Variants in BICC1 observed in about 807,000 individuals in gnomAD.
The protein encoded by BICC1 is protein bicaudal C homolog 1.
A neutral mutation model predicts 111.0 loss-of-function variants in BICC1; 43 were observed. The ratio of observed to expected loss-of-function variants is 0.39; its 90% CI spans 0.30 to 0.50. The LOEUF (loss-of-function observed/expected upper bound fraction) is 0.50, where lower values mean the gene tolerates loss of function less well. BICC1 is among the 20% of genes least tolerant of loss of function. The pLI, the probability that BICC1 is intolerant of heterozygous loss-of-function variation, is 0.88. For synonymous variants in BICC1, 467 were observed against 434.4 expected (o/e 1.07, Z -0.93); for missense variants, 1,091 against 1,203.2 (o/e 0.91, Z 1.38).
chr10:58,633,995 CTTTT>C (rs5785333), intron 2 of BICC1, among the ~76,000 whole-genome samples: 1 of 99,950 alleles, frequency 1.0e-5, no homozygotes, highest in Non-Finnish European at 2.0e-5. Flanking sequence ...TTTTTCTTTT[CTTTT>C]TTTTTTTTTT....
intron 2 of BICC1, among the ~76,000 whole-genome samples, chr10:58,690,945 C>T (rs2393468): frequency 0.72 from 108,920 of 152,062 alleles, 41,386 homozygotes; most frequent in East Asian, 0.9. Flanking sequence ...GTACTATTTC[C>T]GTTCCTCCCC....
rs749296577 is a variant in BICC1, at chr10:58,786,991, C to A, written c.456C>A (p.Gly152=). The A allele has an allele frequency of 3.1e-6, 5 of 1,609,140 alleles. No individual in the cohort carries two copies. In the South Asian group the frequency reaches 5.5e-5, roughly 18 times the overall value. The stretch of plus-strand genomic sequence containing the variant: ...ATTCACATGTAATCGGCAAAGGTGG[C>A]AACAATATTAAAAAAGTGATGGAAG... ...TEHSHVIGKG[G]NNIKKVMEET... Residue 152 remains glycine, a synonymous_variant, in exon 5 of 21, where the codon GGC becomes GGA. Transcript: ENST00000373886.
At chr10:58,668,121 G>A (rs1003300596) in intron 2 of BICC1, among the ~76,000 whole-genome samples, 6 of 151,990 alleles carry the variant, frequency 3.9e-5, no homozygotes, top group African/African-American at 1.4e-4. Context: ...CATGCAAACT[G>A]GAAGCAAAAG....
At chr10:58,617,852 C>T (rs1845668129) in intron 1 of BICC1, among the ~76,000 whole-genome samples, 2 of 152,360 alleles carry the variant, frequency 1.3e-5, no homozygotes, top group South Asian at 4.1e-4. Flanking sequence ...GAATGGTAAC[C>T]TGTTGTTGCC....
In BICC1 at chr10:58,534,484, A is replaced by G. The variant is rs910093217; in HGVS notation, c.190+21151A>G. Among the ~76,000 whole-genome samples the G allele has an allele frequency of 9.9e-5, 15 of 151,920 alleles. No homozygotes were observed. In the East Asian group the frequency reaches 1.9e-3, roughly 20 times the overall value. Reference sequence around the variant, plus strand: ...AAGATTCTCTATAACCAAGAAACTTATACAGAGTCTTCACCACTGAAAGCA... The same window carrying G: ...AAGATTCTCTATAACCAAGAAACTTGTACAGAGTCTTCACCACTGAAAGCA... On this transcript the variant is annotated intron_variant, in intron 1 of 20. Transcript: ENST00000373886.
At chr10:58,578,882 C>G (rs527422468) in intron 1 of BICC1, among the ~76,000 whole-genome samples, 1 of 152,204 alleles carries the variant, frequency 6.6e-6, no homozygotes, top group South Asian at 2.1e-4. Flanking sequence ...GAAAGCTAGC[C>G]CTCTGTGCCC....
chr10:58,622,259 G>A (rs1845843104), intron 2 of BICC1, among the ~76,000 whole-genome samples: 1 of 152,210 alleles, frequency 6.6e-6, no homozygotes, highest in African/African-American at 2.4e-5. Context: ...GGTAAAAATA[G>A]ATGCTGTCAG....
intron 1 of BICC1, among the ~76,000 whole-genome samples, chr10:58,572,100 G>C (rs1338130232): frequency 6.6e-6 from 1 of 152,008 alleles, no homozygotes; most frequent in Non-Finnish European, 1.5e-5. Flanking sequence ...ATGTTGAGCT[G>C]TTTTTCATGT....
At chr10:58,597,471 G>A (rs770507884) in intron 1 of BICC1, among the ~76,000 whole-genome samples, 12 of 152,108 alleles carry the variant, frequency 7.9e-5, no homozygotes, top group Non-Finnish European at 1.8e-4. Context: ...CTACTGATAA[G>A]GGTCTGTGTT....
At chr10:58,553,712 G>A (rs541072769) in intron 1 of BICC1, among the ~76,000 whole-genome samples, 6 of 151,126 alleles carry the variant, frequency 4.0e-5, no homozygotes, top group East Asian at 1.9e-4. Flanking sequence ...TTTTTTTTTC[G>A]GGGGGGCTAG....
intron 3 of BICC1, among the ~76,000 whole-genome samples, chr10:58,746,126 G>T (rs939764404): frequency 6.6e-6 from 1 of 152,084 alleles, no homozygotes; most frequent in Non-Finnish European, 1.5e-5. Flanking sequence ...TTTGGTTAGT[G>T]CCTCTGAAGT....
intron 2 of BICC1, among the ~76,000 whole-genome samples, chr10:58,649,546 T>TA (rs1338016958): frequency 2.6e-5 from 4 of 151,916 alleles, no homozygotes; most frequent in East Asian, 3.9e-4. Context: ...GGGTGTCTTT[T>TA]AAAAAAAACT....
Position 58,829,031 on chromosome 10 carries a change from T to A in BICC1, c.*140T>A. 4.4e-6 allele frequency: 4 copies of A among 917,656 alleles called. No homozygotes were observed. The highest frequency in any genetic ancestry group is 1.6e-6 in the Non-Finnish European group (1 of 629,800). The allele number at this position is 917,656 out of a possible 1,614,324, so 56.8% of individuals were successfully genotyped here. On this transcript the variant is annotated 3_prime_UTR_variant, in exon 21 of 21. Coordinates refer to ENST00000373886, the MANE Select transcript of BICC1 (RefSeq NM_001080512.3). ...AAGCATTTTATTCGCACCTGTACTT[T>A]ATGGCAAAAAGGAAGAAGAGAGAGA...
At chr10:58,531,407 G>A (rs754352999) in intron 1 of BICC1, among the ~76,000 whole-genome samples, 134 of 151,928 alleles carry the variant, frequency 8.8e-4, no homozygotes, top group Middle Eastern at 6.8e-3. Flanking sequence ...TTGAGAGACC[G>A]CCAGAATCTC....
chr10:58,632,322 G>A (rs188037029), intron 2 of BICC1, among the ~76,000 whole-genome samples: 61 of 152,252 alleles, frequency 4.0e-4, no homozygotes, highest in African/African-American at 1.4e-3. Flanking sequence ...TGCTAAGGAC[G>A]CCATTCATGA....
At chr10:58,798,672 A>C (rs1047205058) in intron 11 of BICC1, 112 bp downstream of exon 11, 10 of 979,664 alleles carry the variant, frequency 1.0e-5, no homozygotes, top group Non-Finnish European at 1.4e-5. Context: ...GGTTCAAAGC[A>C]TACTCCATTG....
chr10:58,728,938 T>G (rs914456335), intron 3 of BICC1, among the ~76,000 whole-genome samples: 3 of 152,328 alleles, frequency 2.0e-5, no homozygotes, highest in Non-Finnish European at 1.5e-5. Flanking sequence ...GCTTAAAATA[T>G]TCAGCAAATC....
chr10:58,545,840 C>A (rs914124633), intron 1 of BICC1, among the ~76,000 whole-genome samples: 4 of 152,114 alleles, frequency 2.6e-5, no homozygotes, highest in African/African-American at 9.7e-5. Context: ...CATACCTGAA[C>A]AACCCAAACT....
Position 58,560,202 on chromosome 10 carries a change from T to C in BICC1, c.190+46869T>C, listed in dbSNP as rs114687116. ...GGAAAGTCATCCATTCTTGAGCTTT[T>C]CTTTGTTAGGAGACTTTATTACTGA... On this transcript the variant is annotated intron_variant, in intron 1 of 20. Transcript: ENST00000373886. Among the ~76,000 whole-genome samples, 771 of 152,162 alleles carry C rather than the reference T, an allele frequency of 5.1e-3. 4 individuals are homozygous for C. Among genetic ancestry groups the C allele is most frequent in the African/African-American group, 0.018 (735 of 41,542 alleles).
Sources: allele counts gnomAD v4.1 joint callset (sites outside exome capture counted in the v4.1 genomes callset), GRCh38; gene constraint gnomAD v4.1.1; transcripts MANE v1.5; gene names NCBI Gene and HGNC (gene_info 2026-07-23, HGNC 2026-07-21).